Variants in SOX6 observed in about 807,000 individuals in gnomAD.
The protein encoded by SOX6 is transcription factor SOX-6.
In SOX6, 11 loss-of-function variants were observed where a neutral mutation model predicts 97.8. That is an observed-to-expected ratio of 0.11 (90% CI 0.07 to 0.19). The LOEUF is 0.19. SOX6 is among the 10% of genes least tolerant of loss of function. SOX6 has a pLI of 1.00. For synonymous variants in SOX6, 360 were observed against 371.4 expected (o/e 0.97, Z 0.35); for missense variants, 810 against 1,039.5 (o/e 0.78, Z 3.04).
At chr11:16,687,305 G>C (rs1847977002) in intron 3 of SOX6, among the ~76,000 whole-genome samples, 1 of 152,158 alleles carries the variant, frequency 6.6e-6, no homozygotes, top group Non-Finnish European at 1.5e-5. Context: ...TCACATGGGA[G>C]AACAGGAGCA....
chr11:16,481,959 AAG>A (rs1554970310), intron 4 of SOX6, among the ~76,000 whole-genome samples: 1 of 152,254 alleles, frequency 6.6e-6, no homozygotes, highest in African/African-American at 2.4e-5. Context: ...AAATAAAAAA[AAG>A]AGAGAGAAAA....
chr11:16,183,965 T>C lies in SOX6; in HGVS notation c.709-11A>G. On this transcript the variant is annotated splice_polypyrimidine_tract_variant and intron_variant, in intron 5 of 15. Coordinates refer to ENST00000683767, the MANE Select transcript of SOX6 (RefSeq NM_001367873.1). ...CTGTTGTCTCGCAATCTATCAGAAA[T>C]AAAGTTTCATTAAGTTAAAATGAAA... 6.2e-7 allele frequency: 1 copy of C among 1,611,258 alleles called. No homozygotes were observed.
intron 4 of SOX6, among the ~76,000 whole-genome samples, chr11:16,213,650 A>T (rs1352247654): frequency 6.6e-6 from 1 of 152,232 alleles, no homozygotes; most frequent in Non-Finnish European, 1.5e-5. Flanking sequence ...CATGTGAGAA[A>T]AATAGATTTT....
intron 6 of SOX6, among the ~76,000 whole-genome samples, chr11:16,119,710 T>C (rs192374381): frequency 1.4e-4 from 22 of 152,350 alleles, no homozygotes; most frequent in Admixed American, 2.6e-4. Context: ...TAGGGTAGAA[T>C]TGTTAATGCA....
At chr11:16,647,937 G>T (rs528315372) in intron 3 of SOX6, among the ~76,000 whole-genome samples, 5 of 152,142 alleles carry the variant, frequency 3.3e-5, no homozygotes, top group African/African-American at 4.8e-5. Context: ...GTGGAATTGT[G>T]GGGGAGGGGC....
chr11:16,644,583 TG>T (rs534231257), intron 3 of SOX6, among the ~76,000 whole-genome samples: 2 of 152,002 alleles, frequency 1.3e-5, no homozygotes, highest in South Asian at 2.1e-4. Flanking sequence ...CCAAGGTTAT[TG>T]GGGGGGTAGA....
intron 6 of SOX6, among the ~76,000 whole-genome samples, chr11:16,112,877 CT>C (rs924932530): frequency 3.9e-5 from 6 of 152,008 alleles, no homozygotes; most frequent in Non-Finnish European, 1.5e-5. Context: ...GAATACAGGA[CT>C]TTTCTTATTT....
chr11:16,241,138 G>A (rs2134185309), intron 3 of SOX6, among the ~76,000 whole-genome samples: 1 of 152,038 alleles, frequency 6.6e-6, no homozygotes, highest in East Asian at 1.9e-4. Context: ...TTTCCATAAT[G>A]CTTTATTTTG....
intron 6 of SOX6, among the ~76,000 whole-genome samples, chr11:16,125,910 C>T (rs1404936256): frequency 6.6e-6 from 1 of 150,626 alleles, no homozygotes; most frequent in Non-Finnish European, 1.5e-5. Context: ...TAACTAATTG[C>T]CATTATTCTC....
intron 4 of SOX6, among the ~76,000 whole-genome samples, chr11:16,519,658 AACAGATGAGT>A (rs1050439364): frequency 1.3e-5 from 2 of 152,170 alleles, no homozygotes; most frequent in African/African-American, 4.8e-5. Context: ...TGCTGCAGTA[AACAGATGAGT>A]ACAGGTGTCT....
chr11:16,598,915 T>C (rs906589417), intron 4 of SOX6, among the ~76,000 whole-genome samples: 3 of 152,064 alleles, frequency 2.0e-5, no homozygotes, highest in African/African-American at 4.8e-5. Context: ...TGACAGATCA[T>C]TTCAAGGGTT....
Position 16,348,751 on chromosome 11 carries a change from T to C in SOX6, c.-5+7343A>G, listed in dbSNP as rs536454541. Among the ~76,000 whole-genome samples the C allele has an allele frequency of 2.0e-5, 3 of 152,262 alleles. No homozygotes were observed. In the South Asian group the frequency reaches 6.2e-4, roughly 32 times the overall value. ...GAGATGTCTTTCTAGCCTAGCAACCTTCCTGAAGGTTGAAAAGGACAGGCA... is the reference window on the plus strand; with the variant it reads ...GAGATGTCTTTCTAGCCTAGCAACCCTCCTGAAGGTTGAAAAGGACAGGCA... On this transcript the variant is annotated intron_variant, in intron 1 of 15. Coordinates refer to ENST00000683767, the MANE Select transcript of SOX6 (RefSeq NM_001367873.1).
At chr11:16,557,211 A>G (rs1847758773) in intron 4 of SOX6, among the ~76,000 whole-genome samples, 1 of 151,844 alleles carries the variant, frequency 6.6e-6, no homozygotes, top group Non-Finnish European at 1.5e-5. Context: ...GTTTATGCAT[A>G]TATGTTCACA....
intron 7 of SOX6, among the ~76,000 whole-genome samples, chr11:16,099,770 C>T (rs932999549): frequency 6.6e-6 from 1 of 151,056 alleles, no homozygotes; most frequent in Non-Finnish European, 1.5e-5. Flanking sequence ...CTACCACACC[C>T]TATAGTACTT....
intron 4 of SOX6, among the ~76,000 whole-genome samples, chr11:16,200,924 G>A (rs976727696): frequency 6.6e-6 from 1 of 151,928 alleles, no homozygotes; most frequent in South Asian, 2.1e-4. Context: ...TGGCCAACAT[G>A]TTGAAACTCT....
At chr11:16,144,041 GAAT>G (rs1360017185) in intron 6 of SOX6, among the ~76,000 whole-genome samples, 1 of 152,114 alleles carries the variant, frequency 6.6e-6, no homozygotes, top group African/African-American at 2.4e-5. Flanking sequence ...CAAATCAACA[GAAT>G]AATATTCTTC....
chr11:15,986,469 T>C, intron 14 of SOX6, 49 bp from the exon 15 acceptor site: 1 of 1,582,092 alleles, frequency 6.3e-7, no homozygotes, highest in South Asian at 1.1e-5. Flanking sequence ...GGCAACATAT[T>C]CTAGGCAAAC....
chr11:16,087,132 T>C (rs1034938107), intron 9 of SOX6, among the ~76,000 whole-genome samples: 1 of 152,146 alleles, frequency 6.6e-6, no homozygotes, highest in African/African-American at 2.4e-5. Flanking sequence ...ACTTTCTTCT[T>C]CCAAAATATG....
intron 1 of SOX6, among the ~76,000 whole-genome samples, chr11:16,387,254 G>A (rs1000804869): frequency 6.6e-6 from 1 of 151,908 alleles, no homozygotes; most frequent in African/African-American, 2.4e-5. Context: ...CCATATACCT[G>A]TAATTTTTTT....
Sources: gnomAD v4.1 joint callset for allele counts (sites outside exome capture counted in the v4.1 genomes callset) on GRCh38, gnomAD v4.1.1 for gene constraint, MANE v1.5 for transcripts, NCBI Gene and HGNC (gene_info 2026-07-23, HGNC 2026-07-21) for gene names.